The following RBFOX1 variants were observed in gnomAD, a reference collection of about 807,000 sequenced individuals.
RBFOX1 encodes RNA binding protein fox-1 homolog 1.
Under a neutral mutation model 57.7 loss-of-function variants are expected in RBFOX1, and 8 were observed. That is an observed-to-expected ratio of 0.14 (90% CI 0.08 to 0.25). The LOEUF (loss-of-function observed/expected upper bound fraction) is 0.25, where lower values mean the gene tolerates loss of function less well. Among genes scored for constraint, RBFOX1 ranks in the 10% least tolerant of loss-of-function variants. RBFOX1 has a pLI of 1.00. For missense variants in RBFOX1, 611 were observed against 548.5 expected, an observed-to-expected ratio of 1.11 and a Z score of -1.14; for synonymous variants, 326 against 222.4, an observed-to-expected ratio of 1.47 and a Z score of -4.15.
At chr16:7,437,998 C>T (rs1360370992) in intron 4 of RBFOX1, among the ~76,000 whole-genome samples, 4 of 151,720 alleles carry the variant, frequency 2.6e-5, no homozygotes, top group Admixed American at 6.6e-5. Flanking sequence ...TTTAGAAGTC[C>T]ACGTGGAATA....
In RBFOX1 at chr16:5,669,468, G is replaced by A. The variant is rs531970954; in HGVS notation, c.318+70507G>A. ...AGACAGAGTCTCGTTCTGTTAGGCT[G>A]GAGTGCAGTGGCACTATCTTGGCTC... On this transcript the variant is annotated intron_variant, in intron 3 of 19. Coordinates refer to the RBFOX1 transcript ENST00000641259. 5.7e-5 allele frequency among the ~76,000 whole-genome samples: 8 copies of A among 141,294 alleles called. No homozygotes were observed. The East Asian group carries it at 1.0e-3, about 18-fold the overall frequency. 92.7% of individuals were successfully genotyped at this position (141,294 alleles called of 152,430 possible).
chr16:6,279,404 T>A (rs2076155836), intron 1 of RBFOX1, among the ~76,000 whole-genome samples: 1 of 152,162 alleles, frequency 6.6e-6, no homozygotes, highest in Non-Finnish European at 1.5e-5. Flanking sequence ...GCATGAGACG[T>A]TAAATGAGTA....
chr16:7,241,287 A>G (rs1246401085), intron 4 of RBFOX1, among the ~76,000 whole-genome samples: 1 of 152,080 alleles, frequency 6.6e-6, no homozygotes, highest in Non-Finnish European at 1.5e-5. Flanking sequence ...ATTTATTCTA[A>G]TTCTCTCAGC....
intron 1 of RBFOX1, among the ~76,000 whole-genome samples, chr16:6,312,352 CT>C (rs1474395842): frequency 1.3e-5 from 2 of 151,700 alleles, no homozygotes; most frequent in Non-Finnish European, 2.9e-5. Context: ...CTTCCACTCT[CT>C]TCTTCTTCTC....
At chr16:6,088,129 C>T (rs535324305) in intron 1 of RBFOX1, among the ~76,000 whole-genome samples, 2 of 152,272 alleles carry the variant, frequency 1.3e-5, no homozygotes, top group African/African-American at 2.4e-5. Flanking sequence ...TCATCTGTAA[C>T]GGTGGCCATA....
chr16:7,505,718 G>C (rs930619780), intron 4 of RBFOX1, among the ~76,000 whole-genome samples: 1 of 152,164 alleles, frequency 6.6e-6, no homozygotes, highest in Non-Finnish European at 1.5e-5. Context: ...GCTGGTGTTT[G>C]TCAGCCATGG....
intron 4 of RBFOX1, among the ~76,000 whole-genome samples, chr16:7,202,182 A>G (rs1448047620): frequency 6.6e-6 from 1 of 152,196 alleles, no homozygotes; most frequent in Non-Finnish European, 1.5e-5. Flanking sequence ...CAAAGAACAT[A>G]AACAAATGGC....
At chr16:6,212,357 C>A (rs1476340091) in intron 1 of RBFOX1, among the ~76,000 whole-genome samples, 1 of 151,008 alleles carries the variant, frequency 6.6e-6, no homozygotes, top group African/African-American at 2.4e-5. Flanking sequence ...ATATGCTATA[C>A]AATATTTAAA....
chr16:6,729,372 C>A (rs1029231069), intron 3 of RBFOX1, among the ~76,000 whole-genome samples: 1 of 152,112 alleles, frequency 6.6e-6, no homozygotes, highest in Non-Finnish European at 1.5e-5. Context: ...TTCACTCACT[C>A]ATTAATAAAA....
At chr16:7,166,149 G>C (rs1358989908) in intron 4 of RBFOX1, among the ~76,000 whole-genome samples, 5 of 152,046 alleles carry the variant, frequency 3.3e-5, no homozygotes, top group Admixed American at 2.6e-4. Context: ...GAGTAGATGG[G>C]ATTACAGGTG....
intron 4 of RBFOX1, among the ~76,000 whole-genome samples, chr16:7,277,380 C>T (rs987955407): frequency 6.6e-6 from 1 of 152,142 alleles, no homozygotes; most frequent in African/African-American, 2.4e-5. Flanking sequence ...TCCTGAATTG[C>T]CTACCTCCAT....
chr16:6,630,778 GT>G, intron 2 of RBFOX1, among the ~76,000 whole-genome samples: 2 of 152,254 alleles, frequency 1.3e-5, no homozygotes, highest in Middle Eastern at 6.8e-3. Flanking sequence ...TGAAATTGTA[GT>G]TGACCTATGT....
At chr16:7,693,203 C>A (rs749664440) in intron 14 of RBFOX1, 25 of 806,264 alleles carry the variant, frequency 3.1e-5, no homozygotes, top group African/African-American at 5.1e-5. Context: ...CTCGCAACAT[C>A]CATTCACACG....
chr16:7,299,911 A>T (rs558116997), intron 4 of RBFOX1, among the ~76,000 whole-genome samples: 71 of 152,270 alleles, frequency 4.7e-4, no homozygotes, highest in Non-Finnish European at 9.0e-4. Context: ...GACATAGGAT[A>T]TTTTCACCTT....
chr16:6,497,364 A>G (rs1024165585), intron 2 of RBFOX1, among the ~76,000 whole-genome samples: 1 of 152,116 alleles, frequency 6.6e-6, no homozygotes, highest in Non-Finnish European at 1.5e-5. Context: ...TGCCCTCCAC[A>G]GACTTTCTCT....
At chr16:7,026,840 T>A (rs748147471) in intron 3 of RBFOX1, among the ~76,000 whole-genome samples, 4 of 152,216 alleles carry the variant, frequency 2.6e-5, no homozygotes, top group Non-Finnish European at 4.4e-5. Context: ...ATCTGGACAT[T>A]CCAGTCGGCT....
At chr16:7,221,624 C>T (rs1183556858) in intron 4 of RBFOX1, among the ~76,000 whole-genome samples, 1 of 152,190 alleles carries the variant, frequency 6.6e-6, no homozygotes, top group East Asian at 1.9e-4. Context: ...ACCTTGGCCT[C>T]CCAAAGTACT....
intron 3 of RBFOX1, among the ~76,000 whole-genome samples, chr16:6,912,407 T>C (rs1280445917): frequency 6.6e-6 from 1 of 152,084 alleles, no homozygotes; most frequent in East Asian, 1.9e-4. Context: ...ACCACGGGGC[T>C]ACTGAAATGA....
intron 3 of RBFOX1, among the ~76,000 whole-genome samples, chr16:6,748,525 C>A (rs1001251793): frequency 1.3e-5 from 2 of 151,994 alleles, no homozygotes; most frequent in Non-Finnish European, 2.9e-5. Context: ...AATTAGCTGG[C>A]CATGATGGCA....
Sources: gnomAD v4.1 joint callset for allele counts (sites outside exome capture counted in the v4.1 genomes callset) on GRCh38, gnomAD v4.1.1 for gene constraint, MANE v1.5 for transcripts, NCBI Gene and HGNC (gene_info 2026-07-23, HGNC 2026-07-21) for gene names.